Variants in WFDC1 observed in about 807,000 individuals in gnomAD.
WFDC1 encodes the protein WAP four-disulfide core domain 1, also known as WAP four-disulfide core domain protein 1.
In WFDC1, 39 loss-of-function variants were observed where a neutral mutation model predicts 32.9. The observed-to-expected ratio is 1.19, with a 90% CI of 0.92 to 1.55. The LOEUF is 1.55. WFDC1 is among the 40% of genes most tolerant of loss of function. The pLI, the probability that WFDC1 is intolerant of heterozygous loss-of-function variation, is 0.00. For synonymous variants in WFDC1, 184 were observed against 137.4 expected, an observed-to-expected ratio of 1.34 and a Z score of -2.37; for missense variants, 386 against 309.5, an observed-to-expected ratio of 1.25 and a Z score of -1.85.
rs538790763 is a variant in WFDC1, at chr16:84,307,128, G to A, written c.145-5833G>A. 2.6e-5 allele frequency among the ~76,000 whole-genome samples: 4 copies of A among 152,258 alleles called. No homozygotes were observed. In the South Asian group the frequency reaches 6.2e-4, roughly 24 times the overall value. Reference sequence around the variant, plus strand: ...AGAATGAGTAAGGAGGGGAGTGCTGGAAGAGAGGTCAGAGACGTGGAGGGG... The same window carrying A: ...AGAATGAGTAAGGAGGGGAGTGCTGAAAGAGAGGTCAGAGACGTGGAGGGG... On this transcript the variant is annotated intron_variant, in intron 1 of 6. Transcript: ENST00000219454.
Position 84,295,056 on chromosome 16 carries a change from G to T in WFDC1, c.85G>T (p.Gly29Cys). The T allele has an allele frequency of 6.2e-7, 1 of 1,614,198 alleles. No homozygotes were observed. The highest frequency in any genetic ancestry group is 1.1e-5 in the South Asian group (1 of 91,086). ...CCTCTTGCTACTTCTCCTCCACGCC[G>T]GCTCTGCCAAGAATATCTGGAAACG... ...LCLLLLLLHAGSAKNIWKRAL... is the reference protein window; with the variant it reads ...LCLLLLLLHACSAKNIWKRAL... The change falls in exon 1 of 7, where the codon GGC becomes TGC. Residue 29 changes from glycine (G) to cysteine (C), a missense_variant. By Grantham distance (159) the Gly-to-Cys change is radical. Coordinates refer to ENST00000219454, the MANE Select transcript of WFDC1 (RefSeq NM_021197.4).
intron 2 of WFDC1, chr16:84,317,856 G>C (rs1371209668): frequency 5.2e-6 from 1 of 193,136 alleles, no homozygotes. Flanking sequence ...AGCTCTGCTC[G>C]CAAAGCCATC....
intron 1 of WFDC1, among the ~76,000 whole-genome samples, chr16:84,296,061 AG>A (rs1332843490): frequency 6.6e-6 from 1 of 152,178 alleles, no homozygotes; most frequent in Non-Finnish European, 1.5e-5. Flanking sequence ...AATGGGGTGG[AG>A]GAGGCTATCA....
intron 1 of WFDC1, among the ~76,000 whole-genome samples, chr16:84,297,644 A>ATAGAAC (rs1255833414): frequency 7.6e-5 from 11 of 144,450 alleles, no homozygotes; most frequent in South Asian, 2.2e-4. Flanking sequence ...AAAAAAAAAA[A>ATAGAAC]AAACTGTGCC....
At chr16:84,307,066 A>G (rs958628841) in intron 1 of WFDC1, among the ~76,000 whole-genome samples, 7 of 152,116 alleles carry the variant, frequency 4.6e-5, no homozygotes, top group Non-Finnish European at 5.9e-5. Context: ...GGAAAGAGCC[A>G]GTGCAAAGGC....
intron 2 of WFDC1, chr16:84,316,545 AG>A (rs1567660043): frequency 6.6e-6 from 1 of 152,224 alleles, no homozygotes; most frequent in Non-Finnish European, 1.5e-5. Context: ...GGATCACGCG[AG>A]GCCAGGAGTT....
intron 1 of WFDC1, among the ~76,000 whole-genome samples, chr16:84,307,825 C>T (rs891872191): frequency 3.9e-5 from 6 of 152,136 alleles, no homozygotes; most frequent in African/African-American, 7.2e-5. Context: ...GTTAATTCTG[C>T]AGCAAGTGAA....
chr16:84,319,321 G>C (rs970249193), intron 3 of WFDC1, 110 bp from the exon 4 acceptor site: 7 of 1,473,452 alleles, frequency 4.8e-6, no homozygotes, highest in Non-Finnish European at 5.5e-6. Context: ...CGCCTCTCTG[G>C]GTGAGGTGCG....
intron 2 of WFDC1, among the ~76,000 whole-genome samples, chr16:84,315,643 A>T (rs1475272358): frequency 3.3e-5 from 5 of 152,166 alleles, no homozygotes; most frequent in African/African-American, 7.2e-5. Flanking sequence ...GCACTGTAGG[A>T]TGGTCAGCGG....
intron 1 of WFDC1, among the ~76,000 whole-genome samples, chr16:84,304,684 G>C (rs888418287): frequency 1.3e-5 from 2 of 152,210 alleles, no homozygotes; most frequent in Admixed American, 6.5e-5. Flanking sequence ...GTTGCTCTGG[G>C]GTTTTCAGGA....
At chr16:84,313,909 G>C (rs8051106) in intron 2 of WFDC1, among the ~76,000 whole-genome samples, 1 of 152,340 alleles carries the variant, frequency 6.6e-6, no homozygotes, top group East Asian at 1.9e-4. Context: ...AGGCGTGGTG[G>C]CAGGAGCCTC....
At chr16:84,311,031 T>C (rs1907584997) in intron 1 of WFDC1, among the ~76,000 whole-genome samples, 1 of 152,160 alleles carries the variant, frequency 6.6e-6, no homozygotes, top group Admixed American at 6.5e-5. Flanking sequence ...ATCTATCCTG[T>C]ATCTAACTCT....
At chr16:84,323,872 G>A (rs1458519085) in intron 4 of WFDC1, among the ~76,000 whole-genome samples, 1 of 152,250 alleles carries the variant, frequency 6.6e-6, no homozygotes, top group Non-Finnish European at 1.5e-5. Flanking sequence ...TGTAATCCCA[G>A]CACTTTGGCA....
Position 84,326,954 on chromosome 16 carries a change from A to G in WFDC1, c.*14A>G, listed in dbSNP as rs1908640662. Reference sequence around the variant, plus strand: ...CACTTTCAGTAAAGCAACGGCAAGCAGGTGAGTGGGCAGAGAGCAAGAGTC... The same window carrying G: ...CACTTTCAGTAAAGCAACGGCAAGCGGGTGAGTGGGCAGAGAGCAAGAGTC... On this transcript the variant is annotated splice_region_variant and 3_prime_UTR_variant, in exon 6 of 7. Transcript: ENST00000219454. 1 of 1,614,000 alleles carries G rather than the reference A, an allele frequency of 6.2e-7. No individual in the cohort carries two copies. Among genetic ancestry groups the G allele is most frequent in the African/African-American group, 1.3e-5 (1 of 74,914 alleles).
intron 1 of WFDC1, among the ~76,000 whole-genome samples, chr16:84,309,309 G>T (rs1455155676): frequency 6.6e-6 from 1 of 152,188 alleles, no homozygotes; most frequent in Non-Finnish European, 1.5e-5. Context: ...AGGGCTCGGA[G>T]GTCGAGTGGG....
At chr16:84,295,164 C>A in intron 1 of WFDC1, 49 bp downstream of exon 1, 1 of 1,602,306 alleles carries the variant, frequency 6.2e-7, no homozygotes, top group Non-Finnish European at 8.5e-7. Flanking sequence ...GGGTGGGAGT[C>A]AGCCTTGAGG....
intron 1 of WFDC1, among the ~76,000 whole-genome samples, chr16:84,303,667 A>G (rs1268815126): frequency 1.3e-5 from 2 of 152,178 alleles, no homozygotes; most frequent in East Asian, 3.9e-4. Flanking sequence ...GATTTCTTTT[A>G]TTGAAATGAA....
At chr16:84,296,380 C>T (rs1186891688) in intron 1 of WFDC1, among the ~76,000 whole-genome samples, 1 of 152,146 alleles carries the variant, frequency 6.6e-6, no homozygotes, top group South Asian at 2.1e-4. Flanking sequence ...TAAGTTGACG[C>T]CTGGTACATT....
intron 1 of WFDC1, among the ~76,000 whole-genome samples, chr16:84,307,743 C>T (rs578028477): frequency 1.6e-4 from 24 of 152,314 alleles, no homozygotes; most frequent in South Asian, 2.1e-4. Context: ...AACCACCCTC[C>T]GAAGGAGGCT....
Sources: allele counts gnomAD v4.1 joint callset (sites outside exome capture counted in the v4.1 genomes callset), GRCh38; gene constraint gnomAD v4.1.1; transcripts MANE v1.5; gene names NCBI Gene and HGNC (gene_info 2026-07-23, HGNC 2026-07-21).